FAM107B: variants seen among roughly 807,000 people sequenced by gnomAD.
FAM107B encodes the protein protein FAM107B.
A neutral mutation model predicts 31.5 loss-of-function variants in FAM107B; 21 were observed. That is an observed-to-expected ratio of 0.67 (90% CI 0.47 to 0.96). The LOEUF is 0.96. FAM107B is among the 40% of genes least tolerant of loss of function. FAM107B has a pLI of 0.00. For synonymous variants in FAM107B, 157 were observed against 141.5 expected, an observed-to-expected ratio of 1.11 and a Z score of -0.78; for missense variants, 452 against 377.1, an observed-to-expected ratio of 1.20 and a Z score of -1.64.
chr10:14,633,754 T>G (rs1047384833), intron 2 of FAM107B, among the ~76,000 whole-genome samples: 3 of 152,230 alleles, frequency 2.0e-5, no homozygotes, highest in Non-Finnish European at 2.9e-5. Context: ...TTCTGCAACC[T>G]GACAACTTTT....
At chr10:14,638,749 C>A (rs1041104672) in intron 2 of FAM107B, among the ~76,000 whole-genome samples, 1 of 152,282 alleles carries the variant, frequency 6.6e-6, no homozygotes, top group East Asian at 1.9e-4. Flanking sequence ...TGCCGTGCTG[C>A]AGCCAATATC....
In FAM107B at chr10:14,530,530, T is replaced by C; in HGVS notation, c.470-15A>G. ...AGGTGGGCTGTCTGAAAGAGAAAGA[T>C]GAGAAACACTCATTTGCAGTTTTTG... On this transcript the variant is annotated splice_polypyrimidine_tract_variant and intron_variant, in intron 2 of 4. Coordinates refer to ENST00000181796, the MANE Select transcript of FAM107B (RefSeq NM_031453.4). 1.9e-6 allele frequency: 3 copies of C among 1,610,406 alleles called. No individual in the cohort carries two copies. In the South Asian group the frequency reaches 3.3e-5, roughly 18 times the overall value.
intron 1 of FAM107B, among the ~76,000 whole-genome samples, chr10:14,684,071 G>A (rs953510528): frequency 3.9e-5 from 6 of 152,340 alleles, no homozygotes; most frequent in East Asian, 1.9e-4. Context: ...CTTGGTGTCC[G>A]ATGAGGGCAC....
intron 2 of FAM107B, among the ~76,000 whole-genome samples, chr10:14,578,854 G>T (rs1301045764): frequency 6.6e-6 from 1 of 152,164 alleles, no homozygotes; most frequent in African/African-American, 2.4e-5. Flanking sequence ...AAAGAATGCC[G>T]CAAGTTAGCT....
At chr10:14,673,756 C>T (rs745761119) in intron 1 of FAM107B, among the ~76,000 whole-genome samples, 9 of 152,082 alleles carry the variant, frequency 5.9e-5, no homozygotes, top group Admixed American at 3.9e-4. Flanking sequence ...CCCCTTTCTC[C>T]GTATCCTTTT....
intron 2 of FAM107B, among the ~76,000 whole-genome samples, chr10:14,593,200 GCTT>G (rs991224627): frequency 1.5e-4 from 22 of 151,704 alleles, no homozygotes; most frequent in African/African-American, 5.3e-4. Context: ...AACATAAAAA[GCTT>G]TTTTGTTTGC....
chr10:14,655,242 C>T (rs990877785), intron 2 of FAM107B, among the ~76,000 whole-genome samples: 9 of 152,218 alleles, frequency 5.9e-5, no homozygotes, highest in Non-Finnish European at 1.3e-4. Context: ...ACCAAAACAC[C>T]TCCCTTTAGT....
intron 3 of FAM107B, among the ~76,000 whole-genome samples, chr10:14,524,393 T>A (rs1204633612): frequency 6.6e-6 from 1 of 151,978 alleles, no homozygotes; most frequent in African/African-American, 2.4e-5. Flanking sequence ...ATAATATATG[T>A]CTCCAATTTC....
chr10:14,662,022 A>C (rs935234127), intron 2 of FAM107B, among the ~76,000 whole-genome samples: 5 of 152,054 alleles, frequency 3.3e-5, no homozygotes, highest in Non-Finnish European at 4.4e-5. Context: ...AAGTATGGAA[A>C]ATTTTCCTCT....
At chr10:14,691,893 C>CAA (rs58734762) in intron 1 of FAM107B, among the ~76,000 whole-genome samples, 7,136 of 128,970 alleles carry the variant, frequency 0.055, 316 homozygotes, top group East Asian at 0.22. Context: ...GACTCTGTCA[C>CAA]AAAAAAAAAA....
At chr10:14,734,488 G>GTT (rs74521923) in intron 1 of FAM107B, among the ~76,000 whole-genome samples, 34 of 138,534 alleles carry the variant, frequency 2.5e-4, no homozygotes, top group Non-Finnish European at 3.3e-4. Context: ...TTTTTGTGAG[G>GTT]TTTTTTTTTT....
chr10:14,561,551 G>A (rs1184296949), intron 2 of FAM107B, among the ~76,000 whole-genome samples: 2 of 152,176 alleles, frequency 1.3e-5, no homozygotes, highest in Admixed American at 1.3e-4. Context: ...GGCATGATCA[G>A]GAACTGGGTT....
At chr10:14,685,998 T>C (rs113892789) in intron 1 of FAM107B, among the ~76,000 whole-genome samples, 29,966 of 152,084 alleles carry the variant, frequency 0.2, 3,240 homozygotes, top group East Asian at 0.32. Flanking sequence ...GTGGGACCTA[T>C]TCACTACCAC....
At chr10:14,676,246 G>C (rs1475240370) in intron 1 of FAM107B, among the ~76,000 whole-genome samples, 1 of 151,896 alleles carries the variant, frequency 6.6e-6, no homozygotes, top group Non-Finnish European at 1.5e-5. Flanking sequence ...TCTGTTACTG[G>C]ACGTAATTTT....
intron 1 of FAM107B, among the ~76,000 whole-genome samples, chr10:14,732,341 G>T (rs767092837): frequency 5.3e-5 from 8 of 152,158 alleles, no homozygotes; most frequent in African/African-American, 1.9e-4. Flanking sequence ...TAATCAACTT[G>T]TCAGGGAGGC....
chr10:14,683,059 G>T (rs1416077333), intron 1 of FAM107B, among the ~76,000 whole-genome samples: 1 of 152,180 alleles, frequency 6.6e-6, no homozygotes, highest in Non-Finnish European at 1.5e-5. Context: ...TGTGGGACTG[G>T]CAGGGTGAAG....
chr10:14,566,759 A>G (rs1039662042), intron 2 of FAM107B, among the ~76,000 whole-genome samples: 6 of 152,262 alleles, frequency 3.9e-5, no homozygotes, highest in Non-Finnish European at 7.3e-5. Flanking sequence ...GAAAGAGGAG[A>G]GTTCCAAGAA....
At chr10:14,729,294 T>G (rs534332597) in intron 1 of FAM107B, among the ~76,000 whole-genome samples, 5 of 152,296 alleles carry the variant, frequency 3.3e-5, no homozygotes, top group African/African-American at 1.2e-4. Flanking sequence ...CTACCGCACC[T>G]GATCAAGTTA....
intron 3 of FAM107B, among the ~76,000 whole-genome samples, chr10:14,528,318 AT>A (rs1343580914): frequency 6.6e-6 from 1 of 150,742 alleles, no homozygotes; most frequent in Non-Finnish European, 1.5e-5. Context: ...AGTGGTTGGG[AT>A]TACAGGCATG....
Sources: gnomAD v4.1 joint callset for allele counts (sites outside exome capture counted in the v4.1 genomes callset) on GRCh38, gnomAD v4.1.1 for gene constraint, MANE v1.5 for transcripts, NCBI Gene and HGNC (gene_info 2026-07-23, HGNC 2026-07-21) for gene names.